BFAR: variants seen among roughly 807,000 people sequenced by gnomAD.
BFAR encodes bifunctional apoptosis regulator.
BFAR carries 52 observed loss-of-function variants against 54.4 expected under a neutral mutation model. The ratio of observed to expected loss-of-function variants is 0.96; its 90% CI spans 0.77 to 1.21. BFAR has a LOEUF of 1.21. BFAR is among the 50% of genes most tolerant of loss of function. The pLI, the probability that BFAR is intolerant of heterozygous loss-of-function variation, is 0.00. For synonymous variants in BFAR, 215 were observed against 204.3 expected (o/e 1.05, Z -0.45); for missense variants, 571 against 534.0 (o/e 1.07, Z -0.68).
chr16:14,648,054 A>G (rs2151838739), intron 2 of BFAR, among the ~76,000 whole-genome samples: 1 of 152,172 alleles, frequency 6.6e-6, no homozygotes, highest in East Asian at 1.9e-4. Flanking sequence ...AGCCTGGGCA[A>G]CATAGTGAAA....
Position 14,668,396 on chromosome 16 carries a change from C to CA in BFAR, c.*572dup, listed in dbSNP as rs1463897777. 6.5e-6 allele frequency: 1 copy of CA among 152,984 alleles called. No homozygotes were observed. The highest frequency in any genetic ancestry group is 1.5e-5 in the Non-Finnish European group (1 of 68,624). 9.5% of individuals were successfully genotyped at this position (152,984 alleles called of 1,614,324 possible). ...AGTTGCTAGGATTCAGAGTAAAACT[C>CA]AAAGGATTCAGTTTGAGCCTAGAAT... is the stretch of plus-strand genomic sequence containing the variant. On this transcript the variant is annotated 3_prime_UTR_variant, in exon 8 of 8. Transcript: ENST00000261658.
In BFAR at chr16:14,649,979, G is replaced by A. The variant is rs757300035; in HGVS notation, c.638+6G>A. On this transcript the variant is annotated splice_donor_region_variant and intron_variant, in intron 4 of 7. Coordinates refer to ENST00000261658, the MANE Select transcript of BFAR (RefSeq NM_016561.3). ...TCTGAACGAGTAAATGGAAGGTGAG[G>A]AGCAAAGTCTTCTGACACACCGTGG... 2 of 1,602,488 alleles carry A rather than the reference G, an allele frequency of 1.2e-6. No homozygotes were observed. The highest frequency in any genetic ancestry group is 1.7e-6 in the Non-Finnish European group (2 of 1,172,992).
chr16:14,652,277 T>C (rs553811579), intron 4 of BFAR, among the ~76,000 whole-genome samples: 71 of 151,782 alleles, frequency 4.7e-4, no homozygotes, highest in Non-Finnish European at 9.7e-4. Context: ...CACATTAATA[T>C]ATATTTTTAT....
intron 5 of BFAR, among the ~76,000 whole-genome samples, chr16:14,657,262 T>C (rs1960155288): frequency 6.6e-6 from 1 of 151,866 alleles, no homozygotes; most frequent in Admixed American, 6.6e-5. Context: ...TTTGTTTTGT[T>C]TTTTGAGAGG....
Position 14,667,672 on chromosome 16 carries a change from G to T in BFAR, c.1198G>T (p.Val400Leu). 1.2e-6 allele frequency: 2 copies of T among 1,614,176 alleles called. No homozygotes were observed. The highest frequency in any genetic ancestry group is 1.7e-6 in the Non-Finnish European group (2 of 1,180,032). The change falls in exon 8 of 8, where the codon GTA becomes TTA. Residue 400 changes from valine to leucine, a missense_variant. Val to Leu is a conservative substitution (Grantham distance 32, BLOSUM62 1). Coordinates refer to ENST00000261658, the MANE Select transcript of BFAR (RefSeq NM_016561.3). ...PQRMWSHFWK[V>L]STQGLFVAMF... ...GAGGATGTGGAGCCATTTCTGGAAA[G>T]TATCAACGCAGGGGCTTTTTGTGGC... is the stretch of plus-strand genomic sequence containing the variant.
In BFAR at chr16:14,661,937, A is replaced by T. The variant is rs771270783; in HGVS notation, c.829A>T (p.Ser277Cys). 39 of 1,613,942 alleles carry T rather than the reference A, an allele frequency of 2.4e-5. 1 individual carries two copies. The South Asian group carries it at 4.3e-4, about 18-fold the overall frequency. ...RSLFLLYALK[S>C]SPRLSLLYLY... ...CCTGTTCCTGCTATACGCCCTCAAG[A>T]GCTCCCCCAGGCTGAGTCTGCTCTA... Residue 277 changes from serine to cysteine, a missense_variant, in exon 6 of 8, where the codon AGC (serine) becomes TGC (cysteine). Coordinates refer to ENST00000261658, the MANE Select transcript of BFAR (RefSeq NM_016561.3).
intron 1 of BFAR, among the ~76,000 whole-genome samples, chr16:14,638,727 C>T (rs371368753): frequency 9.2e-5 from 14 of 152,146 alleles, no homozygotes; most frequent in East Asian, 7.7e-4. Context: ...GGGTGGATCA[C>T]GTGAGGTCAG....
rs1431301259 is a variant in BFAR, at chr16:14,669,014, G to A, written c.*1187G>A. On this transcript the variant is annotated 3_prime_UTR_variant, in exon 8 of 8. Coordinates refer to ENST00000261658, the MANE Select transcript of BFAR (RefSeq NM_016561.3). ...TAAATATGGCATGAAGTGAACTATGGCCTTTTATTTCCTTCCAGTGTGAAC... is the reference window on the plus strand; with the variant it reads ...TAAATATGGCATGAAGTGAACTATGACCTTTTATTTCCTTCCAGTGTGAAC... 4.4e-6 allele frequency: 2 copies of A among 452,436 alleles called. No homozygotes were observed. The highest frequency in any genetic ancestry group is 8.9e-6 in the Non-Finnish European group (2 of 225,324). 28.0% of individuals were successfully genotyped at this position (452,436 alleles called of 1,614,324 possible).
chr16:14,635,729 A>T (rs974445988), intron 1 of BFAR, among the ~76,000 whole-genome samples: 2 of 151,602 alleles, frequency 1.3e-5, no homozygotes, highest in African/African-American at 4.8e-5. Flanking sequence ...TCAATGTTTT[A>T]TACAGTAAGT....
chr16:14,652,343 C>T (rs972441525), intron 4 of BFAR, among the ~76,000 whole-genome samples: 5 of 150,292 alleles, frequency 3.3e-5, no homozygotes, highest in African/African-American at 9.8e-5. Context: ...GCAGTGGCAG[C>T]GATCTCAGCT....
chr16:14,646,648 G>C (rs1359937036), intron 2 of BFAR, among the ~76,000 whole-genome samples: 1 of 151,370 alleles, frequency 6.6e-6, no homozygotes, highest in East Asian at 2.0e-4. Flanking sequence ...ACAGGCATGT[G>C]CCACCATGCC....
At chr16:14,649,126 A>G (rs1297021484) in intron 3 of BFAR, among the ~76,000 whole-genome samples, 1 of 136,716 alleles carries the variant, frequency 7.3e-6, no homozygotes, top group Non-Finnish European at 1.5e-5. Context: ...CCTAGGCTAG[A>G]GTGCGGTGGC....
intron 2 of BFAR, among the ~76,000 whole-genome samples, chr16:14,647,229 C>T (rs1242842139): frequency 4.6e-5 from 7 of 152,134 alleles, no homozygotes; most frequent in Middle Eastern, 3.4e-3. Flanking sequence ...GGATTACAGG[C>T]GCCCACCACC....
At chr16:14,643,309 C>CAA (rs1265911361) in intron 1 of BFAR, among the ~76,000 whole-genome samples, 1 of 116,452 alleles carries the variant, frequency 8.6e-6, no homozygotes. Context: ...GACTTCGTCT[C>CAA]AAAAAAAAAA....
rs1438249763 is a variant in BFAR, at chr16:14,648,494, A to T, written c.370A>T (p.Asn124Tyr). The T allele has an allele frequency of 6.2e-7, 1 of 1,613,812 alleles. No individual in the cohort carries two copies. The highest frequency in any genetic ancestry group is 1.1e-5 in the South Asian group (1 of 91,078). Residue 124 changes from asparagine to tyrosine, a missense_variant, in exon 3 of 8, where the codon AAT (asparagine) becomes TAT (tyrosine). Asn to Tyr is a moderately radical substitution (Grantham distance 143, BLOSUM62 -2). Coordinates refer to ENST00000261658, the MANE Select transcript of BFAR (RefSeq NM_016561.3). The stretch of plus-strand genomic sequence containing the variant: ...TCTTGCAGCCTTTCAGAAATATGGG[A>T]ATGATCAGATTCCTTTAGCTCCTAA... Reference protein sequence around the residue: ...QSLAAFQKYGNDQIPLAPNTG... With the variant: ...QSLAAFQKYGYDQIPLAPNTG...
intron 1 of BFAR, chr16:14,633,438 A>C (rs1959327368): frequency 6.6e-6 from 1 of 152,364 alleles, no homozygotes; most frequent in Non-Finnish European, 1.5e-5. Context: ...AGAATTGATG[A>C]GGCTTCTGAT....
At position 14,668,980 on chromosome 16, in the gene BFAR, CTATAGT is replaced by C. The variant is rs1960521477; in HGVS notation, c.*1158_*1163del. The C allele has an allele frequency of 2.3e-6, 1 of 440,264 alleles. No homozygotes were observed. Among genetic ancestry groups the C allele is most frequent in the African/African-American group, 2.0e-5 (1 of 49,542 alleles). 27.3% of individuals were successfully genotyped at this position (440,264 alleles called of 1,614,324 possible). A position where few individuals can be genotyped will look rare whatever the true frequency, so the allele number is the denominator to read the frequency against. On this transcript the variant is annotated 3_prime_UTR_variant, in exon 8 of 8. Transcript: ENST00000261658. ...ACAGCAGGTATAATTACACCAAGCG[CTATAGT>C]TATAAATATGGCATGAAGTGAACTA...
chr16:14,648,576 CT>C lies in BFAR; in HGVS notation c.455del (p.Leu152Ter). 1 of 1,613,644 alleles carries C rather than the reference CT, an allele frequency of 6.2e-7. No individual in the cohort carries two copies. ...GGATTCTTTTCCGGTGTGCTCACAG[CT>C]TTAACTGGAGTGGCAGTAAGTTGAT... is the stretch of plus-strand genomic sequence containing the variant. The part of the protein sequence containing the change: ...GGGFFSGVLT[A>X]LTGVAVVLLV... On this transcript the variant is annotated frameshift_variant, in exon 3 of 8. Coordinates refer to ENST00000261658, the MANE Select transcript of BFAR (RefSeq NM_016561.3). LOFTEE classifies it high-confidence loss of function.
intron 2 of BFAR, among the ~76,000 whole-genome samples, chr16:14,646,377 G>A (rs769701502): frequency 6.6e-6 from 1 of 151,362 alleles, no homozygotes; most frequent in Non-Finnish European, 1.5e-5. Context: ...CAGTAGAGAC[G>A]GGGTTTCACA....
Sources: allele counts gnomAD v4.1 joint callset (sites outside exome capture counted in the v4.1 genomes callset), GRCh38; gene constraint gnomAD v4.1.1; transcripts MANE v1.5; gene names NCBI Gene and HGNC (gene_info 2026-07-23, HGNC 2026-07-21).